The following NFATC2 variants were observed in gnomAD, a reference collection of about 807,000 sequenced individuals.
NFATC2 encodes the protein nuclear factor of activated T-cells, cytoplasmic 2.
Under a neutral mutation model 87.3 loss-of-function variants are expected in NFATC2, and 22 were observed. The ratio of observed to expected loss-of-function variants is 0.25; its 90% confidence interval spans 0.18 to 0.36. The LOEUF is 0.36. NFATC2 is among the 10% of genes least tolerant of loss of function. The probability of loss-of-function intolerance (pLI) is 1.00; values close to 1 mark genes in which losing one functional copy is unlikely to be tolerated. For synonymous variants in NFATC2, 565 were observed against 542.2 expected, an observed-to-expected ratio of 1.04 and a Z score of -0.58; for missense variants, 1,149 against 1,259.1, an observed-to-expected ratio of 0.91 and a Z score of 1.32.
intron 9 of NFATC2, among the ~76,000 whole-genome samples, chr20:51,404,639 G>A (rs1477795833): frequency 6.6e-6 from 1 of 152,222 alleles, no homozygotes; most frequent in Admixed American, 6.5e-5. Context: ...CTGAATTGAT[G>A]ATGGCCAGTC....
intron 10 of NFATC2, among the ~76,000 whole-genome samples, chr20:51,396,290 A>G (rs545059377): frequency 2.0e-4 from 30 of 152,032 alleles, no homozygotes; most frequent in South Asian, 1.9e-3. Flanking sequence ...TCCTTCCTTT[A>G]TCAGAGCTCA....
chr20:51,538,108 T>G (rs12625547), intron 1 of NFATC2, among the ~76,000 whole-genome samples: 27,647 of 151,946 alleles, frequency 0.18, 2,684 homozygotes, highest in East Asian at 0.38. Flanking sequence ...TTCCTGAGCT[T>G]AGAAAAGGAA....
intron 9 of NFATC2, among the ~76,000 whole-genome samples, chr20:51,425,338 G>T (rs1981630335): frequency 6.6e-6 from 1 of 152,272 alleles, no homozygotes; most frequent in African/African-American, 2.4e-5. Context: ...AGGTGGCCAT[G>T]TGAGTTAAAC....
At chr20:51,418,499 A>G (rs1980361409) in intron 9 of NFATC2, among the ~76,000 whole-genome samples, 1 of 152,218 alleles carries the variant, frequency 6.6e-6, no homozygotes, top group Admixed American at 6.5e-5. Flanking sequence ...GCTGAAGCTG[A>G]AAGACTTGCT....
chr20:51,446,700 T>G (rs1481247914), intron 6 of NFATC2, among the ~76,000 whole-genome samples: 1 of 152,206 alleles, frequency 6.6e-6, no homozygotes, highest in East Asian at 1.9e-4. Context: ...AATATTTAGA[T>G]CCCTGAAAAC....
intron 6 of NFATC2, among the ~76,000 whole-genome samples, chr20:51,438,089 C>CTT (rs1042195283): frequency 2.0e-5 from 3 of 152,138 alleles, no homozygotes; most frequent in African/African-American, 7.2e-5. Context: ...GACCTGAGTC[C>CTT]TTTCAGTGTG....
chr20:51,494,433 A>T (rs1184072363), intron 3 of NFATC2, among the ~76,000 whole-genome samples: 1 of 152,054 alleles, frequency 6.6e-6, no homozygotes, highest in Non-Finnish European at 1.5e-5. Context: ...CACGTCAGTA[A>T]TTCCCTCACA....
Position 51,562,491 on chromosome 20 carries a change from G to A in NFATC2, c.70+69C>T. 1 of 1,385,880 alleles carries A rather than the reference G, an allele frequency of 7.2e-7. No homozygotes were observed. Among genetic ancestry groups the A allele is most frequent in the Admixed American group, 2.0e-5 (1 of 49,584 alleles). The allele number at this position is 1,385,880 out of a possible 1,614,324, so 85.8% of individuals were successfully genotyped here. A position where few individuals can be genotyped will look rare whatever the true frequency, so the allele number is the denominator to read the frequency against. Reference sequence around the variant, plus strand: ...GCCGGGAGCTGAAAGTGCTGCCCGGGACGGGAGCAGCAGGAAAGGGCCGGG... The same window carrying A: ...GCCGGGAGCTGAAAGTGCTGCCCGGAACGGGAGCAGCAGGAAAGGGCCGGG... On this transcript the variant is annotated intron_variant, in intron 1 of 10. Coordinates refer to the NFATC2 transcript ENST00000414705. This position sits in a 1 kb window ranked among gnomAD's most constrained non-coding sequence, Gnocchi z 5.8.
chr20:51,458,642 C>CA (rs546708576), intron 5 of NFATC2, among the ~76,000 whole-genome samples: 2,593 of 127,616 alleles, frequency 0.02, 74 homozygotes, highest in African/African-American at 0.064. Context: ...ACTAAAACTC[C>CA]AAAAAAAAAA....
intron 6 of NFATC2, among the ~76,000 whole-genome samples, chr20:51,448,045 C>T (rs1308821511): frequency 6.6e-6 from 1 of 152,186 alleles, no homozygotes; most frequent in Non-Finnish European, 1.5e-5. Flanking sequence ...CACAAATGAG[C>T]ACCTGCTATG....
intron 9 of NFATC2, among the ~76,000 whole-genome samples, chr20:51,431,732 TG>T (rs1297531597): frequency 6.6e-6 from 1 of 152,160 alleles, no homozygotes; most frequent in African/African-American, 2.4e-5. Context: ...AGTCTAAATC[TG>T]GCAATTGGAA....
chr20:51,414,774 C>T (rs957694349), intron 9 of NFATC2, among the ~76,000 whole-genome samples: 15 of 152,102 alleles, frequency 9.9e-5, no homozygotes, highest in African/African-American at 3.1e-4. Flanking sequence ...AAGAAAGCCT[C>T]CGCACAGCCG....
intron 5 of NFATC2, among the ~76,000 whole-genome samples, chr20:51,465,572 C>A (rs1367379025): frequency 1.3e-5 from 2 of 152,270 alleles, no homozygotes; most frequent in Middle Eastern, 6.8e-3. Flanking sequence ...CTGAGCTTAT[C>A]CCTGCCTCAG....
chr20:51,549,608 C>T (rs901964413), intron 1 of NFATC2, among the ~76,000 whole-genome samples: 1 of 152,278 alleles, frequency 6.6e-6, no homozygotes, highest in Non-Finnish European at 1.5e-5. Context: ...AGGATCCAAA[C>T]TGAGTTCTTC....
At chr20:51,541,694 A>G (rs1290168927) in intron 1 of NFATC2, among the ~76,000 whole-genome samples, 1 of 152,186 alleles carries the variant, frequency 6.6e-6, no homozygotes, top group Non-Finnish European at 1.5e-5. Flanking sequence ...GCTCAGACCA[A>G]TCCTCTTGTG....
chr20:51,524,321 T>A lies in NFATC2; in HGVS notation c.131-211A>T, dbSNP rs1427240350. 6.6e-6 allele frequency among the ~76,000 whole-genome samples: 1 copy of A among 152,142 alleles called. No homozygotes were observed. Reference sequence around the variant, plus strand: ...CTGGAGAAGACAGGTCGAAGCAGAATGAGTTCTGGAAGACCCCTGGGCTAA... The same window carrying A: ...CTGGAGAAGACAGGTCGAAGCAGAAAGAGTTCTGGAAGACCCCTGGGCTAA... On this transcript the variant is annotated intron_variant, in intron 1 of 10. Coordinates refer to ENST00000371564, the MANE Select transcript of NFATC2 (RefSeq NM_012340.5). The surrounding 1 kb of genome is among the most constrained non-coding windows in gnomAD (Gnocchi z 4.0).
intron 3 of NFATC2, among the ~76,000 whole-genome samples, chr20:51,507,606 A>G (rs141780194): frequency 4.6e-5 from 7 of 152,224 alleles, no homozygotes; most frequent in African/African-American, 1.7e-4. Flanking sequence ...GTAAGTCTAC[A>G]TCACTTTATC....
chr20:51,555,258 G>C (rs1472746389), intron 1 of NFATC2, among the ~76,000 whole-genome samples: 1 of 152,076 alleles, frequency 6.6e-6, no homozygotes, highest in Non-Finnish European at 1.5e-5. Context: ...ATTCCCCCAG[G>C]GGCTCCTGAT....
Position 51,474,064 on chromosome 20 carries a change from C to T in NFATC2, c.1624G>A (p.Val542Met). The T allele has an allele frequency of 6.2e-7, 1 of 1,614,264 alleles. No homozygotes were observed. The highest frequency in any genetic ancestry group is 8.5e-7 in the Non-Finnish European group (1 of 1,180,052). Residue 542 changes from valine to methionine, a missense_variant, in exon 5 of 11, where the codon GTG (valine) becomes ATG (methionine). By Grantham distance (21) the Val-to-Met change is conservative. Around this residue, in one of 3 missense-constraint regions of NFATC2, gnomAD observed 581 missense variants for 649.7 expected, o/e 0.89. Coordinates refer to ENST00000371564, the MANE Select transcript of NFATC2 (RefSeq NM_012340.5). ...ETDIGRKNTR[V>M]RLVFRVHIPE... ...ATGTGAACTCGGAAAACCAGTCTCA[C>T]CCGCGTGTTCTTTCTTCCAATGTCC...
Sources: gnomAD v4.1 joint callset for allele counts (sites outside exome capture counted in the v4.1 genomes callset) on GRCh38, gnomAD v4.1.1 for gene constraint, gnomAD v4.1.1 regional missense constraint, Gnocchi (gnomAD v3.1) non-coding constraint, MANE v1.5 for transcripts, NCBI Gene and HGNC (gene_info 2026-07-23, HGNC 2026-07-21) for gene names.